MAPT: variants seen among roughly 807,000 people sequenced by gnomAD.
MAPT encodes the protein microtubule associated protein tau.
A neutral mutation model predicts 67.9 loss-of-function variants in MAPT; 34 were observed. The observed-to-expected ratio is 0.50, with a 90% confidence interval of 0.38 to 0.67. The LOEUF (loss-of-function observed/expected upper bound fraction) is 0.67, where lower values mean the gene tolerates loss of function less well. Ranked by LOEUF, MAPT falls within the 30% of genes least tolerant of loss-of-function variation. MAPT has a pLI of 0.00. For synonymous variants in MAPT, 456 were observed against 464.5 expected (o/e 0.98, Z 0.23); for missense variants, 881 against 1,115.2 (o/e 0.79, Z 2.99).
chr17:46,026,345 T>G lies in MAPT; in HGVS notation c.*2174T>G, dbSNP rs1268439340. ...CAGGATTAGGACTGAAGCGATGATG[T>G]CCCCTTCCCTACTTCCCCTTGGGGC... is the stretch of plus-strand genomic sequence containing the variant. On this transcript the variant is annotated 3_prime_UTR_variant, in exon 13 of 13. Transcript: ENST00000262410. 1 of 152,596 alleles carries G rather than the reference T, an allele frequency of 6.6e-6. No individual in the cohort carries two copies. Among genetic ancestry groups the G allele is most frequent in the Non-Finnish European group, 1.5e-5 (1 of 68,110 alleles). 9.5% of individuals were successfully genotyped at this position (152,596 alleles called of 1,614,324 possible).
At chr17:45,903,212 G>T (rs1391519466) in intron 1 of MAPT, among the ~76,000 whole-genome samples, 1 of 152,204 alleles carries the variant, frequency 6.6e-6, no homozygotes. Flanking sequence ...GTAAAGGACA[G>T]CTCCTCCTCC....
intron 1 of MAPT, among the ~76,000 whole-genome samples, chr17:45,934,296 G>A (rs896339048): frequency 2.6e-5 from 4 of 152,066 alleles, no homozygotes; most frequent in African/African-American, 7.2e-5. Context: ...TTATTTTCAC[G>A]CCACTGCCCT....
chr17:46,018,398 G>A (rs1302048038), intron 11 of MAPT, among the ~76,000 whole-genome samples: 1 of 152,100 alleles, frequency 6.6e-6, no homozygotes, highest in Non-Finnish European at 1.5e-5. Context: ...GTCTCTACTT[G>A]GAACCACTTG....
At chr17:45,926,077 G>A (rs1302624678) in intron 1 of MAPT, among the ~76,000 whole-genome samples, 2 of 152,010 alleles carry the variant, frequency 1.3e-5, no homozygotes, top group African/African-American at 2.4e-5. Context: ...CATGTGTGGT[G>A]GCACACATCT....
chr17:45,951,961 A>C (rs1165404259), intron 1 of MAPT, among the ~76,000 whole-genome samples: 1 of 152,172 alleles, frequency 6.6e-6, no homozygotes, highest in Non-Finnish European at 1.5e-5. Context: ...AGAAAAGAAG[A>C]AAACAAGTGG....
intron 12 of MAPT, among the ~76,000 whole-genome samples, chr17:46,020,931 A>C (rs1419514845): frequency 7.2e-5 from 11 of 152,150 alleles, no homozygotes; most frequent in African/African-American, 2.7e-4. Flanking sequence ...TATGCTTCTC[A>C]TGGTGGCCCA....
In MAPT at chr17:45,995,042, C is replaced by A. The variant is rs1023478686; in HGVS notation, c.1733-1357C>A. ...CAGCCTGGGCATCAGAATAAGACTC[C>A]GTCTCAAAAAAAAAACCACAAAAAA... On this transcript the variant is annotated intron_variant, in intron 8 of 12. Coordinates refer to ENST00000262410, the MANE Select transcript of MAPT (RefSeq NM_001377265.1). This position sits in a 1 kb window ranked among gnomAD's most constrained non-coding sequence, Gnocchi z 4.3. 2.0e-5 allele frequency among the ~76,000 whole-genome samples: 3 copies of A among 151,572 alleles called. No homozygotes were observed. The highest frequency in any genetic ancestry group is 4.9e-5 in the African/African-American group (2 of 41,228).
chr17:46,011,780 C>A (rs2146038520), intron 10 of MAPT, among the ~76,000 whole-genome samples: 1 of 152,330 alleles, frequency 6.6e-6, no homozygotes, highest in East Asian at 1.9e-4. Flanking sequence ...GAGGCAGCCA[C>A]CCGCATCCAG....
Position 45,996,461 on chromosome 17 carries a change from G to A in MAPT, c.1795G>A (p.Gly599Ser), listed in dbSNP as rs771662961. The A allele has an allele frequency of 3.4e-5, 55 of 1,612,648 alleles. No individual in the cohort carries two copies. Among genetic ancestry groups the A allele is most frequent in the East Asian group, 4.5e-5 (2 of 44,880 alleles). The change falls in exon 9 of 13, where the codon GGC (glycine) becomes AGC (serine). Residue 599 changes from glycine to serine, a missense_variant. Physicochemically the swap from Gly to Ser is moderately conservative, Grantham distance 56 (BLOSUM62 0). This residue lies in a region of MAPT where 33 missense variants were observed against 76.0 expected (regional missense o/e 0.43). Coordinates refer to ENST00000262410, the MANE Select transcript of MAPT (RefSeq NM_001377265.1). This position sits in a 1 kb window ranked among gnomAD's most constrained non-coding sequence, Gnocchi z 4.5. ...CAGCCCCGGCTCCCCAGGCACTCCC[G>A]GCAGCCGCTCCCGCACCCCGTCCCT... ...YSSPGSPGTP[G>S]SRSRTPSLPT...
Position 45,983,477 on chromosome 17 carries a change from G to A in MAPT, c.898G>A (p.Asp300Asn), listed in dbSNP as rs779635238. The A allele has an allele frequency of 1.2e-5, 20 of 1,609,326 alleles. No individual in the cohort carries two copies. Among genetic ancestry groups the A allele is most frequent in the Admixed American group, 1.7e-5 (1 of 59,850 alleles). ...KEEVDEDRDV[D>N]ESSPQDSPPS... is the part of the protein sequence containing the mutation. ...GGAGGTGGATGAAGACCGCGACGTC[G>A]ATGAGTCCTCCCCCCAAGACTCCCC... The change falls in exon 5 of 13, where the codon GAT (aspartate) becomes AAT (asparagine). Residue 300 changes from aspartate (D) to asparagine (N), a missense_variant. Around this residue, in one of 6 missense-constraint regions of MAPT, gnomAD observed 687 missense variants for 766.1 expected, o/e 0.90. Transcript: ENST00000262410.
At chr17:45,919,745 AAAAAT>A (rs1397082656) in intron 1 of MAPT, among the ~76,000 whole-genome samples, 1 of 152,226 alleles carries the variant, frequency 6.6e-6, no homozygotes, top group Non-Finnish European at 1.5e-5. Flanking sequence ...CGTCTCTACA[AAAAAT>A]AAAATAAATA....
At chr17:45,908,296 T>C (rs79290980) in intron 1 of MAPT, 21,843 of 152,132 alleles carry the variant, frequency 0.14, 2,140 homozygotes, top group Middle Eastern at 0.22. Flanking sequence ...TCCGGAGGGG[T>C]CCATGTGGCT....
intron 6 of MAPT, among the ~76,000 whole-genome samples, 199 bp downstream of exon 6, chr17:45,987,294 G>T (rs1236028945): frequency 1.3e-5 from 2 of 152,210 alleles, no homozygotes; most frequent in Non-Finnish European, 2.9e-5. Flanking sequence ...CCAGGGAAGA[G>T]CAGTTGGCAG....
At position 45,971,955 on chromosome 17, in the gene MAPT, C is replaced by G. The variant is rs770217247; in HGVS notation, c.220+10C>G. 25 of 1,608,920 alleles carry G rather than the reference C, an allele frequency of 1.6e-5. No individual in the cohort carries two copies. Among genetic ancestry groups the G allele is most frequent in the Non-Finnish European group, 2.1e-5 (25 of 1,175,498 alleles). The stretch of plus-strand genomic sequence containing the variant: ...ACTCCAACAGCGGAAGGTGGGCCCC[C>G]CTTCAGACGCCCCCTCCATGCCTCC... On this transcript the variant is annotated intron_variant, in intron 3 of 12. Transcript: ENST00000262410. The surrounding 1 kb of genome is among the most constrained non-coding windows in gnomAD (Gnocchi z 4.3).
intron 1 of MAPT, among the ~76,000 whole-genome samples, chr17:45,930,326 G>A (rs929956129): frequency 6.6e-6 from 1 of 151,132 alleles, no homozygotes; most frequent in African/African-American, 2.4e-5. Flanking sequence ...AGAATCTCTT[G>A]AACCTGGGAG....
At chr17:45,976,278 GACCACAGTCCACCAGGTCCCTA>G (rs2072336673) in intron 3 of MAPT, 1 of 152,296 alleles carries the variant, frequency 6.6e-6, no homozygotes. Context: ...GTGGGGCCCT[GACCACAGTCCACCAGGTCCCTA>G]ACCAGAGGGG....
At chr17:45,950,852 G>A (rs940220081) in intron 1 of MAPT, among the ~76,000 whole-genome samples, 12 of 151,926 alleles carry the variant, frequency 7.9e-5, no homozygotes, top group African/African-American at 2.9e-4. Flanking sequence ...TAGTAGAGAC[G>A]GGGTTTCACC....
chr17:45,987,024 T>C lies in MAPT; in HGVS notation c.1352-16T>C, dbSNP rs1388181712. On this transcript the variant is annotated splice_polypyrimidine_tract_variant and intron_variant, in intron 5 of 12. Coordinates refer to ENST00000262410, the MANE Select transcript of MAPT (RefSeq NM_001377265.1). ...AAATGGAGTGTGACAAGCATTCTTA[T>C]TTTATATTTTATCAGCTCGCATGGT... 6.2e-7 allele frequency: 1 copy of C among 1,612,128 alleles called. No individual in the cohort carries two copies. Among genetic ancestry groups the C allele is most frequent in the Non-Finnish European group, 8.5e-7 (1 of 1,178,570 alleles).
chr17:45,963,037 T>C lies in MAPT; in HGVS notation c.133+567T>C, dbSNP rs140820111. On this transcript the variant is annotated intron_variant, in intron 2 of 12. Transcript: ENST00000262410. The stretch of plus-strand genomic sequence containing the variant: ...ACAATCTCTCAAATACAGGGTACTT[T>C]TTGAGGCATTAGCCACACCTGTTAG... Among the ~76,000 whole-genome samples, 674 of 152,316 alleles carry C rather than the reference T, an allele frequency of 4.4e-3. 7 individuals are homozygous for C. Among genetic ancestry groups the C allele is most frequent in the Non-Finnish European group, 5.5e-3 (377 of 68,036 alleles).
Sources: allele counts gnomAD v4.1 joint callset (sites outside exome capture counted in the v4.1 genomes callset), GRCh38; gene constraint gnomAD v4.1.1; regional missense constraint gnomAD v4.1.1; non-coding constraint Gnocchi (gnomAD v3.1); transcripts MANE v1.5; gene names NCBI Gene and HGNC (gene_info 2026-07-23, HGNC 2026-07-21).